ZBTB46: variants seen among roughly 807,000 people sequenced by gnomAD.
ZBTB46 encodes the protein zinc finger and BTB domain containing 46.
Under a neutral mutation model 44.1 loss-of-function variants are expected in ZBTB46, and 8 were observed. That is an observed-to-expected ratio of 0.18 (90% CI 0.11 to 0.33). The LOEUF is 0.33. Ranked by LOEUF, ZBTB46 falls within the 10% of genes least tolerant of loss-of-function variation. The pLI is 1.00. For synonymous variants in ZBTB46, 409 were observed against 382.3 expected, an observed-to-expected ratio of 1.07 and a Z score of -0.81; for missense variants, 651 against 847.7, an observed-to-expected ratio of 0.77 and a Z score of 2.88.
intron 2 of ZBTB46, among the ~76,000 whole-genome samples, chr20:63,779,144 G>A (rs1033038625): frequency 6.6e-6 from 1 of 152,192 alleles, no homozygotes; most frequent in Non-Finnish European, 1.5e-5. Flanking sequence ...CCACACGGGG[G>A]CTGGGGTTTC....
At chr20:63,779,437 T>G in intron 2 of ZBTB46, among the ~76,000 whole-genome samples, 1 of 93,544 alleles carries the variant, frequency 1.1e-5, no homozygotes, top group Non-Finnish European at 2.1e-5. Flanking sequence ...TTTTTTTTTT[T>G]GAGACGGAGT....
chr20:63,792,450 A>G (rs967447894), intron 1 of ZBTB46, among the ~76,000 whole-genome samples: 1 of 151,994 alleles, frequency 6.6e-6, no homozygotes, highest in Non-Finnish European at 1.5e-5. Context: ...GCAGTTTTGT[A>G]TCACACACTC....
chr20:63,751,463 C>G (rs2092161171), intron 4 of ZBTB46, among the ~76,000 whole-genome samples: 1 of 152,186 alleles, frequency 6.6e-6, no homozygotes, highest in Non-Finnish European at 1.5e-5. Context: ...CACAGCCGGC[C>G]AGGCAAACAC....
chr20:63,783,724 G>A (rs576660442), intron 2 of ZBTB46, among the ~76,000 whole-genome samples: 44 of 152,338 alleles, frequency 2.9e-4, no homozygotes, highest in Non-Finnish European at 5.3e-4. Flanking sequence ...CCGAGCAGCT[G>A]TGGGATCGGG....
Position 63,752,788 on chromosome 20 carries a change from G to T in ZBTB46, c.1296C>A (p.Ile432=). 1 of 1,613,136 alleles carries T rather than the reference G, an allele frequency of 6.2e-7. No individual in the cohort carries two copies. The highest frequency in any genetic ancestry group is 8.5e-7 in the Non-Finnish European group (1 of 1,179,552). The change falls in exon 4 of 5, where the codon ATC becomes ATA. Residue 432 remains isoleucine, a synonymous_variant. Coordinates refer to ENST00000245663, the MANE Select transcript of ZBTB46 (RefSeq NM_001369741.1). This position sits in a 1 kb window ranked among gnomAD's most constrained non-coding sequence, Gnocchi z 5.6. ...TGTGCGAGCGCATGTGTCGCTTGAG[G>T]ATGCACTGGTGCATGGCCGAGAAGC... The part of the protein sequence containing the change: ...YCSFSAMHQC[I]LKRHMRSHTG...
intron 2 of ZBTB46, among the ~76,000 whole-genome samples, chr20:63,782,202 C>T (rs914683177): frequency 6.6e-6 from 1 of 152,076 alleles, no homozygotes; most frequent in East Asian, 1.9e-4. Flanking sequence ...CTGCAACCCC[C>T]GAGCCGTGGT....
At chr20:63,815,946 A>AGTGGGCGCAG (rs1568902301) in intron 1 of ZBTB46, among the ~76,000 whole-genome samples, 1 of 123,552 alleles carries the variant, frequency 8.1e-6, no homozygotes, top group Non-Finnish European at 1.7e-5. Flanking sequence ...GTGCAGGTAC[A>AGTGGGCGCAG]GTGGGCACAG....
intron 1 of ZBTB46, among the ~76,000 whole-genome samples, chr20:63,820,321 G>A (rs1359983116): frequency 6.6e-6 from 1 of 151,834 alleles, no homozygotes; most frequent in African/African-American, 2.4e-5. Context: ...GGATGGTCTC[G>A]ATCTCCTGAC....
intron 1 of ZBTB46, among the ~76,000 whole-genome samples, chr20:63,819,621 G>A (rs891499814): frequency 2.0e-5 from 3 of 152,208 alleles, no homozygotes; most frequent in African/African-American, 7.2e-5. Flanking sequence ...CCAGGGGCCA[G>A]ACCAGAGGTA....
intron 1 of ZBTB46, among the ~76,000 whole-genome samples, chr20:63,799,293 G>C (rs796779727): frequency 5.3e-5 from 8 of 151,972 alleles, no homozygotes; most frequent in African/African-American, 1.9e-4. Flanking sequence ...ACCAGCCTCA[G>C]CCTCCCAAAG....
At position 63,752,563 on chromosome 20, in the gene ZBTB46, T is replaced by TC. The variant is rs1384278843; in HGVS notation, c.1398+122dup. On this transcript the variant is annotated intron_variant, in intron 4 of 4. Coordinates refer to ENST00000245663, the MANE Select transcript of ZBTB46 (RefSeq NM_001369741.1). This position sits in a 1 kb window ranked among gnomAD's most constrained non-coding sequence, Gnocchi z 5.6. ...GGCGGATCTCCCTGCCCTGCTGTCGTCCCCCCTGTGCAGAGTGGACCCGGT... is the reference window on the plus strand; with the variant it reads ...GGCGGATCTCCCTGCCCTGCTGTCGTCCCCCCCTGTGCAGAGTGGACCCGGT... 5.3e-5 allele frequency: 64 copies of TC among 1,203,822 alleles called. 1 individual carries two copies. The highest frequency in any genetic ancestry group is 6.0e-5 in the Non-Finnish European group (55 of 922,092). 74.6% of individuals were successfully genotyped at this position (1,203,822 alleles called of 1,614,324 possible). A position where few individuals can be genotyped will look rare whatever the true frequency, so the allele number is the denominator to read the frequency against.
chr20:63,817,661 A>G (rs924855958), intron 1 of ZBTB46, among the ~76,000 whole-genome samples: 15 of 150,130 alleles, frequency 1.0e-4, no homozygotes, highest in Non-Finnish European at 1.8e-4. Context: ...GGCTGCAGTG[A>G]GCTGAAATGG....
rs1484933089 is a variant in ZBTB46 at position 63,789,960 on chromosome 20, G to A, written c.798C>T (p.Pro266=). The A allele has an allele frequency of 2.5e-6, 4 of 1,614,002 alleles. No individual in the cohort carries two copies. The highest frequency in any genetic ancestry group is 3.4e-6 in the Non-Finnish European group (4 of 1,180,050). ...SEQSAGDAWQ[P]TGRRKNRKNK... is the part of the protein sequence containing the mutation. ...TTTTCCGATTCTTCCTTCGGCCCGT[G>A]GGCTGCCAGGCATCACCAGCACTCT... The change falls in exon 2 of 5, where the codon CCC becomes CCT. Residue 266 remains proline, a synonymous_variant. Coordinates refer to ENST00000245663, the MANE Select transcript of ZBTB46 (RefSeq NM_001369741.1).
At chr20:63,751,210 G>A (rs890775617) in intron 4 of ZBTB46, among the ~76,000 whole-genome samples, 3 of 149,904 alleles carry the variant, frequency 2.0e-5, no homozygotes, top group South Asian at 2.1e-4. Flanking sequence ...CCTCCGCTAC[G>A]GAAAACAAGG....
At chr20:63,791,061 C>T (rs1403123356) in intron 1 of ZBTB46, 3 of 356,322 alleles carry the variant, frequency 8.4e-6, no homozygotes, top group Non-Finnish European at 1.5e-5. Context: ...CAGAATCCCA[C>T]ATACGGCAAC....
chr20:63,788,787 C>T (rs932280347), intron 2 of ZBTB46, among the ~76,000 whole-genome samples: 4 of 150,944 alleles, frequency 2.6e-5, no homozygotes, highest in Middle Eastern at 3.5e-3. Flanking sequence ...TGCAGTGAGC[C>T]GAGATCACGT....
Position 63,778,498 on chromosome 20 carries a change from G to A in ZBTB46, c.938-2536C>T, listed in dbSNP as rs945558824. Among the ~76,000 whole-genome samples, 3 of 152,328 alleles carry A rather than the reference G, an allele frequency of 2.0e-5. No homozygotes were observed. In the East Asian group the frequency reaches 5.8e-4, roughly 29 times the overall value. ...GGGGGCACTTGGAGCAGGGGCAGAG[G>A]TGACGTCTGCAAACACCCCTGGAAC... On this transcript the variant is annotated intron_variant, in intron 2 of 4. Transcript: ENST00000245663.
Position 63,753,808 on chromosome 20 carries a change from A to T in ZBTB46, c.1223-947T>A, listed in dbSNP as rs75612715. Among the ~76,000 whole-genome samples the T allele has an allele frequency of 7.6e-3, 1,164 of 152,370 alleles. 11 individuals are homozygous for T. Among genetic ancestry groups the T allele is most frequent in the African/African-American group, 0.027 (1,119 of 41,592 alleles). On this transcript the variant is annotated intron_variant, in intron 3 of 4. Coordinates refer to ENST00000245663, the MANE Select transcript of ZBTB46 (RefSeq NM_001369741.1). ...ACACATCATAATTAATTAAACAGGC[A>T]CTACTGCTGAACACGTTTCTGTGTT...
intron 1 of ZBTB46, among the ~76,000 whole-genome samples, chr20:63,812,336 C>T (rs2092722042): frequency 1.3e-5 from 2 of 151,592 alleles, no homozygotes; most frequent in African/African-American, 2.4e-5. Flanking sequence ...AGTGAAACCC[C>T]GTCTCTACTA....
Sources: allele counts gnomAD v4.1 joint callset (sites outside exome capture counted in the v4.1 genomes callset), GRCh38; gene constraint gnomAD v4.1.1; non-coding constraint Gnocchi (gnomAD v3.1); transcripts MANE v1.5; gene names NCBI Gene and HGNC (gene_info 2026-07-23, HGNC 2026-07-21).